Variants in MIPOL1 observed in about 807,000 individuals in gnomAD.
The protein encoded by MIPOL1 is mirror-image polydactyly 1, also known as mirror-image polydactyly gene 1 protein.
Under a neutral mutation model 60.9 loss-of-function variants are expected in MIPOL1, and 57 were observed. The observed-to-expected ratio is 0.94, with a 90% confidence interval of 0.76 to 1.17. MIPOL1 has a LOEUF of 1.17. Ranked by LOEUF, MIPOL1 falls within the 50% of genes most tolerant of loss-of-function variation. MIPOL1 has a pLI of 0.00. For synonymous variants in MIPOL1, 179 were observed against 168.8 expected (o/e 1.06, Z -0.47); for missense variants, 551 against 511.6 (o/e 1.08, Z -0.74).
In MIPOL1 at chr14:37,258,637, A is replaced by C. The variant is rs567046881; in HGVS notation, c.20-8301A>C. Among the ~76,000 whole-genome samples, 39 of 152,286 alleles carry C rather than the reference A, an allele frequency of 2.6e-4. 1 individual carries two copies. In the South Asian group the frequency reaches 7.2e-3, roughly 28 times the overall value. On this transcript the variant is annotated intron_variant, in intron 3 of 12. Coordinates refer to ENST00000684589, the MANE Select transcript of MIPOL1 (RefSeq NM_001388067.1). ...TAAATTTGTGATTTATAAGTTAATT[A>C]TATAGCCTAAGCTGTAGGATATTAC...
intron 3 of MIPOL1, among the ~76,000 whole-genome samples, chr14:37,250,158 T>C (rs572708242): frequency 6.6e-6 from 1 of 152,348 alleles, no homozygotes; most frequent in Non-Finnish European, 1.5e-5. Context: ...ACATGACTGA[T>C]ACAGCATTAG....
intron 12 of MIPOL1, among the ~76,000 whole-genome samples, chr14:37,516,681 C>T (rs745740437): frequency 6.6e-6 from 1 of 152,094 alleles, no homozygotes; most frequent in Non-Finnish European, 1.5e-5. Context: ...TTTGCTATGA[C>T]TTTAGAAATG....
chr14:37,255,125 A>G (rs1974722166), intron 3 of MIPOL1, among the ~76,000 whole-genome samples: 1 of 151,862 alleles, frequency 6.6e-6, no homozygotes, highest in Admixed American at 6.6e-5. Context: ...TCATGCCAGA[A>G]CACCTCTTGT....
chr14:37,499,243 T>A lies in MIPOL1; in HGVS notation c.1032-665T>A, dbSNP rs1030335909. ...ATTTTAGGATTCTATTTGTCTGCAT[T>A]TTCTTCTGCATTCATTTAGTCTTAA... On this transcript the variant is annotated intron_variant, in intron 11 of 12. Coordinates refer to ENST00000684589, the MANE Select transcript of MIPOL1 (RefSeq NM_001388067.1). Among the ~76,000 whole-genome samples, 8 of 152,174 alleles carry A rather than the reference T, an allele frequency of 5.3e-5. No individual in the cohort carries two copies. In the South Asian group the frequency reaches 1.4e-3, roughly 28 times the overall value.
chr14:37,265,412 G>A (rs1179769841), intron 3 of MIPOL1: 3 of 152,156 alleles, frequency 2.0e-5, no homozygotes, highest in Non-Finnish European at 1.5e-5. Flanking sequence ...TTTGAGTGGA[G>A]TGTTTGTTTC....
intron 1 of MIPOL1, among the ~76,000 whole-genome samples, chr14:37,202,973 T>C (rs1444346821): frequency 1.3e-5 from 2 of 152,188 alleles, no homozygotes; most frequent in Non-Finnish European, 2.9e-5. Context: ...TTATTACTAG[T>C]ACGTCCAGCT....
intron 6 of MIPOL1, among the ~76,000 whole-genome samples, chr14:37,284,941 C>G (rs1369465242): frequency 6.6e-6 from 1 of 152,130 alleles, no homozygotes; most frequent in Admixed American, 6.6e-5. Context: ...AGGCTATATA[C>G]CAAAGAGGGG....
intron 11 of MIPOL1, among the ~76,000 whole-genome samples, chr14:37,470,901 T>C (rs2094679662): frequency 6.6e-6 from 1 of 152,188 alleles, no homozygotes; most frequent in Admixed American, 6.5e-5. Context: ...GTAAAGTGTC[T>C]TTTAATGCAA....
At chr14:37,405,498 G>C (rs1595624113) in intron 10 of MIPOL1, among the ~76,000 whole-genome samples, 1 of 152,148 alleles carries the variant, frequency 6.6e-6, no homozygotes, top group Non-Finnish European at 1.5e-5. Flanking sequence ...GTGAAATCTT[G>C]CTTGGTTTAT....
At chr14:37,320,539 C>T (rs1370794271) in intron 9 of MIPOL1, among the ~76,000 whole-genome samples, 1 of 151,836 alleles carries the variant, frequency 6.6e-6, no homozygotes, top group Admixed American at 6.6e-5. Flanking sequence ...TATATTTATA[C>T]AGTCTGTGGC....
chr14:37,431,877 G>A (rs2094077170), intron 11 of MIPOL1, among the ~76,000 whole-genome samples: 1 of 151,820 alleles, frequency 6.6e-6, no homozygotes, highest in South Asian at 2.1e-4. Context: ...GAGCCACTAC[G>A]CCCGGCCCTG....
chr14:37,421,614 G>A (rs775950599), intron 10 of MIPOL1, among the ~76,000 whole-genome samples: 1 of 151,890 alleles, frequency 6.6e-6, no homozygotes, highest in African/African-American at 2.4e-5. Context: ...GTTAAAGCAC[G>A]CATTCAAACA....
At chr14:37,388,577 A>G (rs1449798321) in intron 10 of MIPOL1, among the ~76,000 whole-genome samples, 2 of 150,654 alleles carry the variant, frequency 1.3e-5, no homozygotes, top group Non-Finnish European at 3.0e-5. Flanking sequence ...TTTGACATAT[A>G]TGTCCACCGT....
At chr14:37,310,107 C>T (rs139683965) in intron 9 of MIPOL1, among the ~76,000 whole-genome samples, 3 of 152,212 alleles carry the variant, frequency 2.0e-5, no homozygotes, top group African/African-American at 7.2e-5. Flanking sequence ...TTATAATTAT[C>T]GCCAACTTGC....
chr14:37,288,385 A>G (rs2084768396), intron 7 of MIPOL1, among the ~76,000 whole-genome samples: 1 of 152,160 alleles, frequency 6.6e-6, no homozygotes. Context: ...TAATTACTTT[A>G]CAAGAAATAA....
At position 37,290,707 on chromosome 14, in the gene MIPOL1, T is replaced by A. The variant is rs181335455; in HGVS notation, c.623+5260T>A. 1.3e-3 allele frequency among the ~76,000 whole-genome samples: 200 copies of A among 152,306 alleles called. 1 individual carries two copies. The highest frequency in any genetic ancestry group is 4.5e-3 in the African/African-American group (185 of 41,566). On this transcript the variant is annotated intron_variant, in intron 7 of 12. Transcript: ENST00000684589. Reference sequence around the variant, plus strand: ...TATTTCATGGAAATTTTACCTTTTTTAAAAAACTTAACTTTTATTTTAAGT... The same window carrying A: ...TATTTCATGGAAATTTTACCTTTTTAAAAAAACTTAACTTTTATTTTAAGT...
chr14:37,356,441 C>G (rs905357737), intron 9 of MIPOL1, among the ~76,000 whole-genome samples: 1 of 152,126 alleles, frequency 6.6e-6, no homozygotes, highest in Non-Finnish European at 1.5e-5. Context: ...CCACCCAGTT[C>G]GAGCTTCCAG....
chr14:37,366,530 GT>G (rs1208305299), intron 9 of MIPOL1, among the ~76,000 whole-genome samples: 1 of 151,778 alleles, frequency 6.6e-6, no homozygotes, highest in Non-Finnish European at 1.5e-5. Context: ...TATTATTTCA[GT>G]TTTTTTAATG....
At chr14:37,351,147 G>A (rs1368620352) in intron 9 of MIPOL1, among the ~76,000 whole-genome samples, 1 of 144,448 alleles carries the variant, frequency 6.9e-6, no homozygotes, top group Admixed American at 7.2e-5. Flanking sequence ...CTATGAGTGA[G>A]AATATGCGGT....
Sources: allele counts gnomAD v4.1 joint callset (sites outside exome capture counted in the v4.1 genomes callset), GRCh38; gene constraint gnomAD v4.1.1; transcripts MANE v1.5; gene names NCBI Gene and HGNC (gene_info 2026-07-23, HGNC 2026-07-21).